Variants in CMIP observed in about 807,000 individuals in gnomAD.
CMIP encodes the protein c-Maf inducing protein, also known as C-Maf-inducing protein.
Under a neutral mutation model 97.3 loss-of-function variants are expected in CMIP, and 13 were observed. That is an observed-to-expected ratio of 0.13 (90% CI 0.09 to 0.21). The LOEUF is 0.21. Among genes scored for constraint, CMIP ranks in the 10% least tolerant of loss-of-function variants. The pLI, the probability that CMIP is intolerant of heterozygous loss-of-function variation, is 1.00. For synonymous variants in CMIP, 538 were observed against 436.3 expected, an observed-to-expected ratio of 1.23 and a Z score of -2.91; for missense variants, 847 against 1,024.9, an observed-to-expected ratio of 0.83 and a Z score of 2.37.
intron 7 of CMIP, among the ~76,000 whole-genome samples, chr16:81,669,037 CCA>C (rs1327013304): frequency 6.8e-5 from 10 of 146,270 alleles, no homozygotes; most frequent in South Asian, 2.3e-4. Context: ...TCCACACCCA[CCA>C]CACTCTCCTC....
intron 1 of CMIP, 75 bp downstream of exon 1, chr16:81,445,616 C>A: frequency 1.4e-6 from 2 of 1,455,498 alleles, no homozygotes; most frequent in Non-Finnish European, 1.8e-6. Flanking sequence ...TGCCCCCTGG[C>A]GCTGCACCTG....
chr16:81,585,080 G>A (rs2091359754), intron 1 of CMIP, among the ~76,000 whole-genome samples: 1 of 152,092 alleles, frequency 6.6e-6, no homozygotes, highest in Admixed American at 6.5e-5. Context: ...GGTGGCTCAC[G>A]CCTGTAATCC....
rs535542688 is a variant in CMIP, at chr16:81,632,060, A to G, written c.477+11134A>G. 5 of 152,322 alleles carry G rather than the reference A, an allele frequency of 3.3e-5. No individual in the cohort carries two copies. In the East Asian group the frequency reaches 9.6e-4, roughly 29 times the overall value. 9.4% of individuals were successfully genotyped at this position (152,322 alleles called of 1,614,324 possible). ...TTGTAAAAAAATCAAGCTATTACCT[A>G]CATGTGACAAAATGTGCATGCCCTA... On this transcript the variant is annotated intron_variant, in intron 3 of 20. Transcript: ENST00000537098.
chr16:81,628,068 A>C (rs747399486), intron 3 of CMIP, among the ~76,000 whole-genome samples: 1 of 152,072 alleles, frequency 6.6e-6, no homozygotes, highest in Non-Finnish European at 1.5e-5. Flanking sequence ...CCTTGAGCTG[A>C]TGCCTCCCCT....
intron 1 of CMIP, among the ~76,000 whole-genome samples, chr16:81,542,869 G>A (rs370969739): frequency 3.9e-5 from 6 of 152,226 alleles, no homozygotes; most frequent in Admixed American, 1.3e-4. Flanking sequence ...AGGAATTTCC[G>A]GGAGGCACAA....
At chr16:81,592,446 G>A (rs187109055) in intron 1 of CMIP, among the ~76,000 whole-genome samples, 1 of 152,318 alleles carries the variant, frequency 6.6e-6, no homozygotes, top group Non-Finnish European at 1.5e-5. Flanking sequence ...CCACCTCTGG[G>A]CAGCCCTCCC....
chr16:81,572,896 T>C (rs973283662), intron 1 of CMIP, among the ~76,000 whole-genome samples: 5 of 152,176 alleles, frequency 3.3e-5, no homozygotes, highest in Middle Eastern at 3.2e-3. Flanking sequence ...ACCCCCTCCG[T>C]CTCAGACACA....
At chr16:81,688,645 T>A (rs1905697731) in intron 10 of CMIP, among the ~76,000 whole-genome samples, 1 of 152,196 alleles carries the variant, frequency 6.6e-6, no homozygotes, top group Non-Finnish European at 1.5e-5. Context: ...GTTATTACCG[T>A]CATTAGCATC....
chr16:81,592,623 G>C (rs768279265), intron 1 of CMIP, among the ~76,000 whole-genome samples: 7 of 152,230 alleles, frequency 4.6e-5, no homozygotes, highest in Non-Finnish European at 8.8e-5. Flanking sequence ...GTGTCTGGTA[G>C]AAGCAAGGCA....
intron 1 of CMIP, among the ~76,000 whole-genome samples, chr16:81,566,621 C>A (rs1433382768): frequency 6.6e-6 from 1 of 152,236 alleles, no homozygotes; most frequent in Non-Finnish European, 1.5e-5. Context: ...ATTCCTGCTT[C>A]TCCTAGGACC....
intron 1 of CMIP, 77 bp downstream of exon 1, chr16:81,445,618 C>G: frequency 6.9e-7 from 1 of 1,453,138 alleles, no homozygotes; most frequent in Non-Finnish European, 9.2e-7. Flanking sequence ...CCCCCTGGCG[C>G]TGCACCTGGA....
At chr16:81,483,599 T>G (rs2926001) in intron 1 of CMIP, among the ~76,000 whole-genome samples, 1 of 145,596 alleles carries the variant, frequency 6.9e-6, no homozygotes, top group African/African-American at 2.6e-5. Context: ...CTCTTCCTCT[T>G]CCTCTCCCTC....
intron 1 of CMIP, among the ~76,000 whole-genome samples, chr16:81,578,436 G>A (rs73596487): frequency 0.067 from 10,216 of 152,256 alleles, 877 homozygotes; most frequent in African/African-American, 0.2. Flanking sequence ...GCTGGGTCTT[G>A]TTACTTTGAA....
intron 1 of CMIP, among the ~76,000 whole-genome samples, chr16:81,547,450 C>T (rs371645291): frequency 1.3e-4 from 20 of 152,098 alleles, no homozygotes; most frequent in African/African-American, 3.9e-4. Context: ...GCTGTGGGCA[C>T]GCTGAGCAGA....
chr16:81,705,437 A>C, intron 18 of CMIP, 62 bp from the exon 19 acceptor site: 8 of 1,212,158 alleles, frequency 6.6e-6, no homozygotes, highest in Non-Finnish European at 9.5e-6. Flanking sequence ...CCTCTGCCCC[A>C]GCCTCAGAGT....
intron 2 of CMIP, among the ~76,000 whole-genome samples, chr16:81,612,331 C>T (rs1399195938): frequency 6.6e-6 from 1 of 152,104 alleles, no homozygotes; most frequent in Admixed American, 6.5e-5. Context: ...CTGCTTCTTT[C>T]GGGGATGGGT....
intron 1 of CMIP, among the ~76,000 whole-genome samples, chr16:81,511,032 A>C (rs371660808): frequency 1.3e-5 from 2 of 152,096 alleles, no homozygotes; most frequent in East Asian, 1.9e-4. Context: ...ACTTTGGGAA[A>C]TTTTAAAACA....
chr16:81,450,438 C>G (rs1225831454), intron 1 of CMIP, among the ~76,000 whole-genome samples: 1 of 152,128 alleles, frequency 6.6e-6, no homozygotes, highest in African/African-American at 2.4e-5. Context: ...TTTCCTCCAT[C>G]CTTAGGGAGA....
chr16:81,664,434 G>A (rs1224101118), intron 7 of CMIP, 85 bp downstream of exon 7: 5 of 1,334,520 alleles, frequency 3.7e-6, no homozygotes, highest in Non-Finnish European at 5.2e-6. Context: ...CGTTGGCACA[G>A]ATTTGGGGAA....
Sources: allele counts gnomAD v4.1 joint callset (sites outside exome capture counted in the v4.1 genomes callset), GRCh38; gene constraint gnomAD v4.1.1; transcripts MANE v1.5; gene names NCBI Gene and HGNC (gene_info 2026-07-23, HGNC 2026-07-21).